The following CAMK1D variants were observed in gnomAD, a reference collection of about 807,000 sequenced individuals.
The protein encoded by CAMK1D is calcium/calmodulin dependent protein kinase ID, also known as calcium/calmodulin-dependent protein kinase type 1D.
A neutral mutation model predicts 47.7 loss-of-function variants in CAMK1D; 9 were observed. The ratio of observed to expected loss-of-function variants is 0.19; its 90% CI spans 0.11 to 0.33. The LOEUF (loss-of-function observed/expected upper bound fraction) is 0.33. CAMK1D is among the 10% of genes least tolerant of loss of function. The probability of loss-of-function intolerance (pLI) is 1.00; values close to 1 mark genes in which losing one functional copy is unlikely to be tolerated. For synonymous variants in CAMK1D, 184 were observed against 184.9 expected (o/e 0.99, Z 0.04); for missense variants, 291 against 488.7 (o/e 0.60, Z 3.81).
At chr10:12,550,157 G>A (rs982735201) in intron 1 of CAMK1D, among the ~76,000 whole-genome samples, 2 of 152,206 alleles carry the variant, frequency 1.3e-5, no homozygotes, top group African/African-American at 2.4e-5. Flanking sequence ...GGGCTTTTCC[G>A]CCTTCTGGAA....
chr10:12,501,404 C>A (rs1227422744), intron 1 of CAMK1D, among the ~76,000 whole-genome samples: 1 of 152,166 alleles, frequency 6.6e-6, no homozygotes, highest in Admixed American at 6.5e-5. Flanking sequence ...GAAGCCTCTG[C>A]TTACCTGGGG....
In CAMK1D at chr10:12,536,448, T is replaced by C. The variant is rs191534865; in HGVS notation, c.93-16777T>C. ...TGCACACCACCACACCTAGATAATT[T>C]TTGTATTTTTAGTAGAGATGGGGTT... On this transcript the variant is annotated intron_variant, in intron 1 of 10. Transcript: ENST00000619168. Among the ~76,000 whole-genome samples the C allele has an allele frequency of 1.1e-4, 17 of 152,198 alleles. No homozygotes were observed. In the East Asian group the frequency reaches 2.7e-3, roughly 24 times the overall value.
chr10:12,352,375 T>C (rs940013272), intron 1 of CAMK1D, among the ~76,000 whole-genome samples: 2 of 152,172 alleles, frequency 1.3e-5, no homozygotes, highest in Non-Finnish European at 2.9e-5. Context: ...TTTGGGAGGC[T>C]GAGGCGAGCT....
At chr10:12,705,083 G>C (rs960106087) in intron 3 of CAMK1D, among the ~76,000 whole-genome samples, 47 of 152,154 alleles carry the variant, frequency 3.1e-4, no homozygotes, top group African/African-American at 1.1e-3. Context: ...GTTTCTTCAT[G>C]CCTGGGTCTT....
intron 4 of CAMK1D, among the ~76,000 whole-genome samples, chr10:12,763,701 G>A (rs556457076): frequency 2.0e-5 from 3 of 152,308 alleles, no homozygotes; most frequent in African/African-American, 7.2e-5. Flanking sequence ...GAGAATCACT[G>A]GAGTAGGAAT....
chr10:12,557,576 AAG>A (rs367583759), intron 2 of CAMK1D, among the ~76,000 whole-genome samples: 48 of 152,068 alleles, frequency 3.2e-4, no homozygotes, highest in African/African-American at 1.1e-3. Context: ...AAAAAGAAAA[AAG>A]AAAAAAGTCT....
In CAMK1D at chr10:12,595,506, T is replaced by C. The variant is rs567883696; in HGVS notation, c.224+42150T>C. ...GGCTCATGAACTTGGGCCTGGTCCC[T>C]GGGACCTTTGCATCTGAGGTGGGGT... On this transcript the variant is annotated intron_variant, in intron 2 of 10. Coordinates refer to ENST00000619168, the MANE Select transcript of CAMK1D (RefSeq NM_153498.4). 4.7e-4 allele frequency among the ~76,000 whole-genome samples: 71 copies of C among 152,228 alleles called. No homozygotes were observed. In the South Asian group the frequency reaches 0.013, roughly 29 times the overall value.
chr10:12,363,239 C>A (rs1837732453), intron 1 of CAMK1D, among the ~76,000 whole-genome samples: 1 of 151,536 alleles, frequency 6.6e-6, no homozygotes, highest in Admixed American at 6.6e-5. Flanking sequence ...CCGCACCCGG[C>A]CTGTTTTTTT....
chr10:12,608,826 C>G (rs956510901), intron 2 of CAMK1D, among the ~76,000 whole-genome samples: 1 of 152,184 alleles, frequency 6.6e-6, no homozygotes, highest in Non-Finnish European at 1.5e-5. Flanking sequence ...GTATGTTGGC[C>G]CTTCGGCATT....
At chr10:12,730,981 G>A (rs1834856645) in intron 3 of CAMK1D, among the ~76,000 whole-genome samples, 1 of 152,188 alleles carries the variant, frequency 6.6e-6, no homozygotes, top group South Asian at 2.1e-4. Context: ...ACACTTTGCT[G>A]CAAAGGAGAA....
At chr10:12,539,615 G>T (rs1355401646) in intron 1 of CAMK1D, among the ~76,000 whole-genome samples, 2 of 152,240 alleles carry the variant, frequency 1.3e-5, no homozygotes, top group African/African-American at 4.8e-5. Flanking sequence ...CACCATCAGG[G>T]ATGGGAGTGA....
intron 2 of CAMK1D, among the ~76,000 whole-genome samples, chr10:12,665,389 C>T (rs1308888313): frequency 6.6e-6 from 1 of 152,226 alleles, no homozygotes; most frequent in Admixed American, 6.5e-5. Context: ...AAAATGGTTT[C>T]CGTTTTTCCT....
chr10:12,402,898 G>C (rs1474391658), intron 1 of CAMK1D, among the ~76,000 whole-genome samples: 1 of 152,094 alleles, frequency 6.6e-6, no homozygotes, highest in Admixed American at 6.6e-5. Flanking sequence ...ATGAGTTCCA[G>C]ATGCGCAGAA....
chr10:12,695,063 G>GATAC (rs1554812003), intron 3 of CAMK1D, among the ~76,000 whole-genome samples: 23 of 134,562 alleles, frequency 1.7e-4, no homozygotes, highest in African/African-American at 6.0e-4. Flanking sequence ...TAGATAGATA[G>GATAC]ATACATAGGT....
chr10:12,370,002 T>G (rs1588413772), intron 1 of CAMK1D, among the ~76,000 whole-genome samples: 1 of 150,500 alleles, frequency 6.6e-6, no homozygotes, highest in Admixed American at 6.6e-5. Context: ...TATTAAATTA[T>G]TTTATTATTT....
intron 2 of CAMK1D, chr10:12,653,255 T>G (rs1354425899): frequency 6.5e-6 from 1 of 153,918 alleles, no homozygotes; most frequent in African/African-American, 2.4e-5. Flanking sequence ...AGAACCCTTG[T>G]GATTCAGTCA....
intron 1 of CAMK1D, among the ~76,000 whole-genome samples, chr10:12,453,306 C>T (rs1216858396): frequency 1.3e-5 from 2 of 151,752 alleles, no homozygotes; most frequent in Non-Finnish European, 2.9e-5. Flanking sequence ...TCTCCTGCCT[C>T]AGCCTCCTGA....
At chr10:12,664,605 G>A (rs1397657291) in intron 2 of CAMK1D, among the ~76,000 whole-genome samples, 4 of 152,208 alleles carry the variant, frequency 2.6e-5, no homozygotes, top group Non-Finnish European at 4.4e-5. Flanking sequence ...GCAAGCCAGG[G>A]CTGCAGGTGC....
intron 3 of CAMK1D, among the ~76,000 whole-genome samples, chr10:12,746,461 T>C (rs577222656): frequency 6.6e-6 from 1 of 152,260 alleles, no homozygotes; most frequent in African/African-American, 2.4e-5. Context: ...ATTGGAACGT[T>C]AGGCTTATTG....
Sources: gnomAD v4.1 joint callset for allele counts (sites outside exome capture counted in the v4.1 genomes callset) on GRCh38, gnomAD v4.1.1 for gene constraint, MANE v1.5 for transcripts, NCBI Gene and HGNC (gene_info 2026-07-23, HGNC 2026-07-21) for gene names.